The following IQCH variants were observed in gnomAD, a reference collection of about 807,000 sequenced individuals.
IQCH encodes the protein IQ domain-containing protein H.
IQCH carries 98 observed loss-of-function variants against 117.0 expected under a neutral mutation model. The ratio of observed to expected loss-of-function variants is 0.84; its 90% CI spans 0.71 to 0.99. IQCH has a LOEUF of 0.99. Ranked by LOEUF, IQCH falls within the 50% of genes least tolerant of loss-of-function variation. The pLI is 0.00. For missense variants in IQCH, 1,102 were observed against 1,243.8 expected (o/e 0.89, Z 1.72); for synonymous variants, 412 against 448.2 (o/e 0.92, Z 1.02).
At chr15:67,337,126 T>C (rs1246938876) in intron 5 of IQCH, 31 bp downstream of exon 5, 1 of 1,610,546 alleles carries the variant, frequency 6.2e-7, no homozygotes, top group Non-Finnish European at 8.5e-7. Context: ...TTTACGTGTT[T>C]AGGAACGGAA....
At chr15:67,402,264 C>T (rs75671544) in intron 14 of IQCH, among the ~76,000 whole-genome samples, 299 of 152,286 alleles carry the variant, frequency 2.0e-3, no homozygotes, top group African/African-American at 6.9e-3. Context: ...TATAATTATT[C>T]AGAAATCTCC....
intron 4 of IQCH, among the ~76,000 whole-genome samples, chr15:67,330,646 G>A (rs2140637547): frequency 6.6e-6 from 1 of 152,248 alleles, no homozygotes; most frequent in African/African-American, 2.4e-5. Flanking sequence ...AACTAAGAAA[G>A]TGCAGTAAAA....
At chr15:67,487,979 C>T (rs1210655910) in intron 18 of IQCH, among the ~76,000 whole-genome samples, 1 of 152,020 alleles carries the variant, frequency 6.6e-6, no homozygotes, top group African/African-American at 2.4e-5. Context: ...AGCCATGCCT[C>T]TCCTACAGAT....
chr15:67,387,247 T>C lies in IQCH; in HGVS notation c.1457-1584T>C, dbSNP rs1971136123. On this transcript the variant is annotated intron_variant, in intron 11 of 20. Transcript: ENST00000335894. The surrounding 1 kb of genome is among the most constrained non-coding windows in gnomAD (Gnocchi z 4.8). ...AATGGGAGCCACTTAAATATTCACA[T>C]GTATGGAGCACCTGCTCTGGGCCTA... Among the ~76,000 whole-genome samples, 1 of 152,190 alleles carries C rather than the reference T, an allele frequency of 6.6e-6. No individual in the cohort carries two copies. Among genetic ancestry groups the C allele is most frequent in the Admixed American group, 6.5e-5 (1 of 15,278 alleles).
At position 67,453,715 on chromosome 15, in the gene IQCH, A is replaced by G. The variant is rs2082590372; in HGVS notation, c.2506-11412A>G. Among the ~76,000 whole-genome samples, 1 of 152,266 alleles carries G rather than the reference A, an allele frequency of 6.6e-6. No individual in the cohort carries two copies. The highest frequency in any genetic ancestry group is 1.5e-5 in the Non-Finnish European group (1 of 68,012). On this transcript the variant is annotated intron_variant, in intron 16 of 20. Transcript: ENST00000335894. This position sits in a 1 kb window ranked among gnomAD's most constrained non-coding sequence, Gnocchi z 5.8. Reference sequence around the variant, plus strand: ...GCAGTCTGCCCGTTCTCAGATCTCAAGCTGCATGCTGGGAGAACCACTACT... The same window carrying G: ...GCAGTCTGCCCGTTCTCAGATCTCAGGCTGCATGCTGGGAGAACCACTACT...
intron 4 of IQCH, among the ~76,000 whole-genome samples, chr15:67,314,968 T>C (rs1261160568): frequency 6.6e-6 from 1 of 152,190 alleles, no homozygotes; most frequent in African/African-American, 2.4e-5. Context: ...TGATGTCTTA[T>C]AGGCAGCTGG....
Position 67,372,588 on chromosome 15 carries a change from C to T in IQCH, c.1231C>T (p.His411Tyr). ...TGCCATTGCTTGGCTGTTATATTGCCATAAGACTCGACTAAAGAAGATACT... is the reference window on the plus strand; with the variant it reads ...TGCCATTGCTTGGCTGTTATATTGCTATAAGACTCGACTAAAGAAGATACT... ...VIAIAWLLYC[H>Y]KTRLKKILKE... Residue 411 changes from histidine to tyrosine, a missense_variant, in exon 9 of 21, where the codon CAT (histidine) becomes TAT (tyrosine). Around this residue, in one of 2 missense-constraint regions of IQCH, gnomAD observed 650 missense variants for 794.3 expected, o/e 0.82. Coordinates refer to ENST00000335894, the MANE Select transcript of IQCH (RefSeq NM_001031715.3). The T allele has an allele frequency of 1.2e-6, 2 of 1,614,000 alleles. No individual in the cohort carries two copies. The highest frequency in any genetic ancestry group is 1.7e-6 in the Non-Finnish European group (2 of 1,179,962).
chr15:67,264,545 C>G (rs144520574), intron 3 of IQCH, among the ~76,000 whole-genome samples: 1 of 152,226 alleles, frequency 6.6e-6, no homozygotes, highest in African/African-American at 2.4e-5. Flanking sequence ...TCTTAAGCTG[C>G]CTGAGTATTT....
At chr15:67,444,961 A>G (rs1015571712) in intron 16 of IQCH, among the ~76,000 whole-genome samples, 4 of 152,226 alleles carry the variant, frequency 2.6e-5, no homozygotes, top group African/African-American at 9.6e-5. Context: ...TGTTTAGCAA[A>G]CAAAATCTTC....
chr15:67,284,185 C>T (rs756946897), intron 4 of IQCH, among the ~76,000 whole-genome samples: 1 of 152,072 alleles, frequency 6.6e-6, no homozygotes, highest in East Asian at 1.9e-4. Flanking sequence ...CCACTTCCCC[C>T]TAACCCACAC....
chr15:67,334,016 C>T (rs1174181925), intron 4 of IQCH, among the ~76,000 whole-genome samples: 1 of 151,972 alleles, frequency 6.6e-6, no homozygotes, highest in Non-Finnish European at 1.5e-5. Flanking sequence ...TGTGATCGTG[C>T]CACTGAACTC....
chr15:67,349,981 C>G (rs1225774577), intron 6 of IQCH, among the ~76,000 whole-genome samples: 1 of 152,194 alleles, frequency 6.6e-6, no homozygotes, highest in East Asian at 1.9e-4. Context: ...TAAAGTTAAA[C>G]ATGCATTTAC....
At chr15:67,343,086 T>A (rs1018984853) in intron 5 of IQCH, among the ~76,000 whole-genome samples, 8 of 152,204 alleles carry the variant, frequency 5.3e-5, no homozygotes, top group African/African-American at 1.9e-4. Flanking sequence ...AACACTAGAC[T>A]AACATTCTTA....
intron 18 of IQCH, among the ~76,000 whole-genome samples, chr15:67,483,946 C>A: frequency 6.6e-6 from 1 of 152,206 alleles, no homozygotes. Context: ...CTTAGGAGTT[C>A]ATGTCCTGCT....
In IQCH at chr15:67,364,222, A is replaced by AT. The variant is rs1970252880; in HGVS notation, c.753+4343dup. Among the ~76,000 whole-genome samples, 1 of 152,044 alleles carries AT rather than the reference A, an allele frequency of 6.6e-6. No homozygotes were observed. The highest frequency in any genetic ancestry group is 1.5e-5 in the Non-Finnish European group (1 of 67,996). On this transcript the variant is annotated intron_variant, in intron 8 of 20. Coordinates refer to ENST00000335894, the MANE Select transcript of IQCH (RefSeq NM_001031715.3). The surrounding 1 kb of genome is among the most constrained non-coding windows in gnomAD (Gnocchi z 4.1). Reference sequence around the variant, plus strand: ...CTCTGCAACCTCACCAGCATCTGTTATTTTTTGACCTTTTTATAATAGTCA... The same window carrying AT: ...CTCTGCAACCTCACCAGCATCTGTTATTTTTTTGACCTTTTTATAATAGTCA...
chr15:67,305,532 TG>T (rs1265207043), intron 4 of IQCH, among the ~76,000 whole-genome samples: 1 of 152,102 alleles, frequency 6.6e-6, no homozygotes, highest in East Asian at 1.9e-4. Context: ...GGTTTTTATC[TG>T]CTTCCCATGA....
At chr15:67,343,762 A>G (rs980246025) in intron 5 of IQCH, among the ~76,000 whole-genome samples, 1 of 152,244 alleles carries the variant, frequency 6.6e-6, no homozygotes, top group Non-Finnish European at 1.5e-5. Context: ...TGAAAATATC[A>G]TAAGTATAAA....
intron 3 of IQCH, among the ~76,000 whole-genome samples, chr15:67,264,513 T>G (rs1324737605): frequency 6.6e-6 from 1 of 152,186 alleles, no homozygotes; most frequent in Non-Finnish European, 1.5e-5. Context: ...GGCAGGCCTT[T>G]GTTCCTCACT....
chr15:67,327,944 AAGCC>A (rs1407322828), intron 4 of IQCH, among the ~76,000 whole-genome samples: 2 of 152,200 alleles, frequency 1.3e-5, no homozygotes, highest in African/African-American at 4.8e-5. Flanking sequence ...TCTGACTTTC[AAGCC>A]AGTAAGACTG....
Sources: allele counts gnomAD v4.1 joint callset (sites outside exome capture counted in the v4.1 genomes callset), GRCh38; gene constraint gnomAD v4.1.1; regional missense constraint gnomAD v4.1.1; non-coding constraint Gnocchi (gnomAD v3.1); transcripts MANE v1.5; gene names NCBI Gene and HGNC (gene_info 2026-07-23, HGNC 2026-07-21).